Variants in TTC39B observed in about 807,000 individuals in gnomAD.
TTC39B encodes the protein tetratricopeptide repeat protein 39B.
In TTC39B, 92 loss-of-function variants were observed where a neutral mutation model predicts 96.6. The observed-to-expected ratio is 0.95, with a 90% confidence interval of 0.80 to 1.13. The LOEUF (loss-of-function observed/expected upper bound fraction) is 1.13. Among genes scored for constraint, TTC39B ranks in the 50% most tolerant of loss-of-function variants. The pLI, the probability that TTC39B is intolerant of heterozygous loss-of-function variation, is 0.00. For synonymous variants in TTC39B, 367 were observed against 299.4 expected (o/e 1.23, Z -2.33); for missense variants, 955 against 809.3 (o/e 1.18, Z -2.18).
chr9:15,212,578 A>G (rs1040192256), intron 4 of TTC39B, among the ~76,000 whole-genome samples: 2 of 152,144 alleles, frequency 1.3e-5, no homozygotes, highest in Admixed American at 1.3e-4. Context: ...GGCATGCACC[A>G]CCATGCCTGG....
intron 1 of TTC39B, among the ~76,000 whole-genome samples, chr9:15,268,601 A>G (rs1823223788): frequency 6.6e-6 from 1 of 152,114 alleles, no homozygotes; most frequent in Non-Finnish European, 1.5e-5. Flanking sequence ...AAACTCACAC[A>G]TTCACAACAG....
intron 8 of TTC39B, among the ~76,000 whole-genome samples, chr9:15,198,451 C>G (rs1450222723): frequency 8.4e-6 from 1 of 118,344 alleles, no homozygotes; most frequent in Non-Finnish European, 1.8e-5. Context: ...AGCAAGGTCT[C>G]GGTCGCAAAA....
intron 1 of TTC39B, among the ~76,000 whole-genome samples, chr9:15,300,491 G>A (rs920699885): frequency 6.6e-6 from 1 of 152,152 alleles, no homozygotes; most frequent in African/African-American, 2.4e-5. Flanking sequence ...TGTTGCAACA[G>A]CCTTTTGTCC....
chr9:15,230,374 C>T (rs543925093), intron 2 of TTC39B, among the ~76,000 whole-genome samples: 16 of 152,284 alleles, frequency 1.1e-4, no homozygotes, highest in African/African-American at 3.9e-4. Context: ...TTAGCAGTCA[C>T]TCCTCATTCT....
At chr9:15,264,326 A>T (rs1408874404) in intron 2 of TTC39B, among the ~76,000 whole-genome samples, 1 of 152,176 alleles carries the variant, frequency 6.6e-6, no homozygotes, top group Non-Finnish European at 1.5e-5. Context: ...AAATTAAATT[A>T]GATTTTTCTT....
At chr9:15,227,808 C>T (rs1054857999) in intron 2 of TTC39B, among the ~76,000 whole-genome samples, 1 of 152,024 alleles carries the variant, frequency 6.6e-6, no homozygotes, top group Non-Finnish European at 1.5e-5. Flanking sequence ...TTCACATTTG[C>T]CTTTAGCTTT....
At chr9:15,205,934 C>T (rs1819824087) in intron 6 of TTC39B, among the ~76,000 whole-genome samples, 1 of 152,118 alleles carries the variant, frequency 6.6e-6, no homozygotes, top group Admixed American at 6.5e-5. Flanking sequence ...GCTGGAAGGG[C>T]TCAGTCAAGG....
rs1820234842 is a variant in TTC39B at position 15,212,100 on chromosome 9, T to C, written c.483-703A>G. The stretch of plus-strand genomic sequence containing the variant: ...TTTATTTTCTCAAAACTTCTTAAGC[T>C]GTATTAATTATTTATAAGGTTTAAA... On this transcript the variant is annotated intron_variant, in intron 4 of 19. Coordinates refer to ENST00000512701, the Ensembl canonical transcript of TTC39B. Among the ~76,000 whole-genome samples the C allele has an allele frequency of 2.6e-5, 4 of 152,252 alleles. No individual in the cohort carries two copies. The South Asian group carries it at 8.3e-4, about 31-fold the overall frequency.
chr9:15,194,965 C>G (rs140232546), intron 8 of TTC39B, among the ~76,000 whole-genome samples: 1 of 152,032 alleles, frequency 6.6e-6, no homozygotes, highest in Admixed American at 6.6e-5. Context: ...AGTGTTCAAG[C>G]GAAAGGAAGA....
At chr9:15,301,170 C>T (rs902624126) in intron 1 of TTC39B, among the ~76,000 whole-genome samples, 3 of 152,258 alleles carry the variant, frequency 2.0e-5, no homozygotes, top group East Asian at 3.9e-4. Flanking sequence ...AAGTCTTTGC[C>T]GGACCCTAAA....
intron 1 of TTC39B, among the ~76,000 whole-genome samples, chr9:15,270,041 T>C (rs1220383536): frequency 1.3e-5 from 2 of 151,638 alleles, no homozygotes; most frequent in Non-Finnish European, 2.9e-5. Flanking sequence ...TGGTGGTGCA[T>C]TTCTGTAATC....
At chr9:15,279,162 C>T (rs1487158940) in intron 1 of TTC39B, among the ~76,000 whole-genome samples, 1 of 152,218 alleles carries the variant, frequency 6.6e-6, no homozygotes, top group Non-Finnish European at 1.5e-5. Context: ...TATTAAAGTG[C>T]TTCTGCAGTT....
chr9:15,262,884 A>G (rs1822993322), intron 2 of TTC39B, among the ~76,000 whole-genome samples: 1 of 152,212 alleles, frequency 6.6e-6, no homozygotes, highest in Non-Finnish European at 1.5e-5. Context: ...TGGTTCAGTA[A>G]GTGTAAGGAA....
exon 20 of TTC39B, chr9:15,165,255 G>A (rs1321675480): frequency 6.6e-6 from 1 of 152,164 alleles, no homozygotes; most frequent in African/African-American, 2.4e-5. Context: ...CCTGAGGCAG[G>A]AGAATTGCTT....
chr9:15,264,035 T>C (rs1009350457), intron 2 of TTC39B, among the ~76,000 whole-genome samples: 2 of 152,074 alleles, frequency 1.3e-5, no homozygotes, highest in Non-Finnish European at 2.9e-5. Flanking sequence ...GGCAGATAAA[T>C]ACAGCCACAG....
rs1219263480 is a variant in TTC39B at position 15,198,611 on chromosome 9, G to C, written c.824+1250C>G. Among the ~76,000 whole-genome samples, 4 of 151,566 alleles carry C rather than the reference G, an allele frequency of 2.6e-5. No individual in the cohort carries two copies. The East Asian group carries it at 5.8e-4, about 22-fold the overall frequency. The stretch of plus-strand genomic sequence containing the variant: ...CTTAAAAACAATATTATAAACACTA[G>C]AGCAACCACAAAAAAATTAGACTAC... On this transcript the variant is annotated intron_variant, in intron 8 of 19. Coordinates refer to ENST00000512701, the Ensembl canonical transcript of TTC39B.
chr9:15,196,774 C>T (rs1264219585), intron 8 of TTC39B, among the ~76,000 whole-genome samples: 1 of 152,204 alleles, frequency 6.6e-6, no homozygotes, highest in African/African-American at 2.4e-5. Flanking sequence ...ATGGATCTAA[C>T]TCTGAAAGAA....
chr9:15,289,526 C>T (rs1824102961), intron 1 of TTC39B, among the ~76,000 whole-genome samples: 1 of 152,240 alleles, frequency 6.6e-6, no homozygotes, highest in Admixed American at 6.5e-5. Flanking sequence ...GGTTAAGTTA[C>T]TTGCTCAAAG....
intron 2 of TTC39B, among the ~76,000 whole-genome samples, chr9:15,236,897 C>T (rs564012992): frequency 6.6e-6 from 1 of 152,144 alleles, no homozygotes; most frequent in African/African-American, 2.4e-5. Flanking sequence ...AATTAACAAC[C>T]TAACATCACA....
Sources: allele counts gnomAD v4.1 joint callset (sites outside exome capture counted in the v4.1 genomes callset), GRCh38; gene constraint gnomAD v4.1.1; transcripts MANE v1.5; gene names NCBI Gene and HGNC (gene_info 2026-07-23, HGNC 2026-07-21).